KCNH8: variants seen among roughly 807,000 people sequenced by gnomAD.
KCNH8 encodes the protein potassium voltage-gated channel subfamily H member 8.
A neutral mutation model predicts 103.6 loss-of-function variants in KCNH8; 70 were observed. The ratio of observed to expected loss-of-function variants is 0.68; its 90% CI spans 0.56 to 0.82. The LOEUF is 0.82. Ranked by LOEUF, KCNH8 falls within the 40% of genes least tolerant of loss-of-function variation. KCNH8 has a pLI of 0.00. For missense variants in KCNH8, 1,217 were observed against 1,329.9 expected (o/e 0.92, Z 1.32); for synonymous variants, 498 against 489.4 (o/e 1.02, Z -0.23).
At chr3:19,330,982 A>G (rs2065497133) in intron 3 of KCNH8, among the ~76,000 whole-genome samples, 3 of 152,252 alleles carry the variant, frequency 2.0e-5, no homozygotes, top group South Asian at 2.1e-4. Context: ...AGTATCTGCC[A>G]TCTTCCCAGA....
intron 2 of KCNH8, among the ~76,000 whole-genome samples, chr3:19,276,544 C>T (rs1246507370): frequency 6.6e-6 from 1 of 152,088 alleles, no homozygotes; most frequent in Non-Finnish European, 1.5e-5. Context: ...GAGCAATGCA[C>T]TATTTCCCAT....
At position 19,474,432 on chromosome 3, in the gene KCNH8, C is replaced by T. The variant is rs192126051; in HGVS notation, c.2040+17450C>T. On this transcript the variant is annotated intron_variant, in intron 11 of 15. Transcript: ENST00000328405. ...CCAGCATGCCAGGATGCCAAAAGAG[C>T]GGCAGCTTTGAGTGGAGGAAACAGC... Among the ~76,000 whole-genome samples the T allele has an allele frequency of 2.2e-3, 337 of 152,144 alleles. 1 individual carries two copies. The highest frequency in any genetic ancestry group is 3.4e-3 in the Middle Eastern group (1 of 294).
chr3:19,201,174 G>A (rs2063655909), intron 1 of KCNH8, among the ~76,000 whole-genome samples: 1 of 122,498 alleles, frequency 8.2e-6, no homozygotes, highest in Non-Finnish European at 1.6e-5. Context: ...GGAGGTTGCA[G>A]TGAGCTGAGA....
intron 11 of KCNH8, among the ~76,000 whole-genome samples, chr3:19,483,370 A>G (rs564178853): frequency 6.6e-6 from 1 of 152,212 alleles, no homozygotes; most frequent in South Asian, 2.1e-4. Flanking sequence ...TTTCTGTCCT[A>G]GACAACTAAG....
intron 15 of KCNH8, 84 bp downstream of exon 15, chr3:19,518,158 AG>A: frequency 9.6e-7 from 1 of 1,037,196 alleles, no homozygotes; most frequent in Non-Finnish European, 1.5e-6. Context: ...GTAATATAGT[AG>A]TTACAAGCAT....
intron 7 of KCNH8, among the ~76,000 whole-genome samples, chr3:19,396,433 C>A (rs991415244): frequency 6.6e-6 from 1 of 152,016 alleles, no homozygotes; most frequent in African/African-American, 2.4e-5. Flanking sequence ...TCTCCAAGTT[C>A]TTAAAAATAC....
At chr3:19,242,289 A>G (rs1046925716) in intron 1 of KCNH8, among the ~76,000 whole-genome samples, 1 of 152,174 alleles carries the variant, frequency 6.6e-6, no homozygotes, top group Admixed American at 6.5e-5. Flanking sequence ...GCACCATTCC[A>G]CGGTCATACC....
intron 1 of KCNH8, among the ~76,000 whole-genome samples, chr3:19,214,237 G>T (rs1232926025): frequency 2.0e-5 from 3 of 152,150 alleles, no homozygotes; most frequent in Non-Finnish European, 4.4e-5. Flanking sequence ...ATAATATATA[G>T]TTACACTTTT....
intron 5 of KCNH8, among the ~76,000 whole-genome samples, chr3:19,366,505 G>A (rs1332694948): frequency 1.3e-5 from 2 of 152,040 alleles, no homozygotes; most frequent in Non-Finnish European, 2.9e-5. Context: ...ACAAGGCAGG[G>A]ATATTAAGAA....
chr3:19,148,817 G>T, intron 1 of KCNH8, 22 bp downstream of exon 1: 1 of 1,601,692 alleles, frequency 6.2e-7, no homozygotes, highest in Non-Finnish European at 8.6e-7. Context: ...ACTTGAACGA[G>T]TGGTATGGCA....
chr3:19,149,614 T>C (rs964349479), intron 1 of KCNH8, among the ~76,000 whole-genome samples: 1 of 152,192 alleles, frequency 6.6e-6, no homozygotes, highest in Admixed American at 6.5e-5. Flanking sequence ...CTTCTCAGGC[T>C]TTTCAAGCTC....
At chr3:19,204,078 T>A (rs549480279) in intron 1 of KCNH8, among the ~76,000 whole-genome samples, 3 of 152,226 alleles carry the variant, frequency 2.0e-5, no homozygotes, top group African/African-American at 7.2e-5. Flanking sequence ...TTATAATTTA[T>A]TTGCATTGCT....
At chr3:19,278,928 C>A (rs2064716318) in intron 2 of KCNH8, among the ~76,000 whole-genome samples, 1 of 152,054 alleles carries the variant, frequency 6.6e-6, no homozygotes, top group South Asian at 2.1e-4. Context: ...TATATTGGTG[C>A]ACCTATGCAA....
At chr3:19,354,675 A>C (rs1357541718) in intron 5 of KCNH8, among the ~76,000 whole-genome samples, 16 of 152,212 alleles carry the variant, frequency 1.1e-4, no homozygotes, top group Admixed American at 2.0e-4. Context: ...ACTGGCTAGC[A>C]ATATGTAGAA....
chr3:19,339,184 T>G (rs1202320287), intron 3 of KCNH8, among the ~76,000 whole-genome samples: 1 of 152,128 alleles, frequency 6.6e-6, no homozygotes, highest in Non-Finnish European at 1.5e-5. Flanking sequence ...CACTTCCCTT[T>G]GAGGGGACCT....
At chr3:19,252,672 G>A (rs1276814259) in intron 1 of KCNH8, among the ~76,000 whole-genome samples, 3 of 151,990 alleles carry the variant, frequency 2.0e-5, no homozygotes, top group East Asian at 1.9e-4. Flanking sequence ...ACAGGCCTGA[G>A]CCACCACACC....
intron 11 of KCNH8, among the ~76,000 whole-genome samples, chr3:19,473,467 T>C (rs1235485830): frequency 6.6e-6 from 1 of 152,210 alleles, no homozygotes; most frequent in Non-Finnish European, 1.5e-5. Context: ...AACCCTATGG[T>C]CACAGACTGG....
chr3:19,300,281 A>G lies in KCNH8; in HGVS notation c.442+18952A>G, dbSNP rs539061336. ...AAAAAAGAAAGAAAGAAAAGAAAAT[A>G]TGAACAGGTGTTATATAAGTATGGC... On this transcript the variant is annotated intron_variant, in intron 3 of 15. Coordinates refer to ENST00000328405, the MANE Select transcript of KCNH8 (RefSeq NM_144633.3). Among the ~76,000 whole-genome samples, 86 of 152,080 alleles carry G rather than the reference A, an allele frequency of 5.7e-4. No homozygotes were observed. In the South Asian group the frequency reaches 0.017, roughly 30 times the overall value.
At chr3:19,285,837 C>T (rs973598947) in intron 3 of KCNH8, among the ~76,000 whole-genome samples, 4 of 152,082 alleles carry the variant, frequency 2.6e-5, no homozygotes, top group African/African-American at 9.7e-5. Context: ...TCCAGTTTTG[C>T]GATACAGTAT....
Sources: allele counts gnomAD v4.1 joint callset (sites outside exome capture counted in the v4.1 genomes callset), GRCh38; gene constraint gnomAD v4.1.1; transcripts MANE v1.5; gene names NCBI Gene and HGNC (gene_info 2026-07-23, HGNC 2026-07-21).